The following RASSF4 variants were observed in gnomAD, a reference collection of about 807,000 sequenced individuals.
RASSF4 encodes ras association domain-containing protein 4.
In RASSF4, 38 loss-of-function variants were observed where a neutral mutation model predicts 41.1. The observed-to-expected ratio is 0.92, with a 90% CI of 0.71 to 1.21. The LOEUF (loss-of-function observed/expected upper bound fraction) is 1.21, where lower values mean the gene tolerates loss of function less well. RASSF4 is among the 50% of genes most tolerant of loss of function. RASSF4 has a pLI of 0.00. For synonymous variants in RASSF4, 179 were observed against 163.4 expected (o/e 1.10, Z -0.73); for missense variants, 414 against 419.4 (o/e 0.99, Z 0.11).
At position 44,993,552 on chromosome 10, in the gene RASSF4, A is replaced by G. The variant is rs1347699655; in HGVS notation, c.*223A>G. 1.7e-6 allele frequency: 1 copy of G among 571,944 alleles called. No individual in the cohort carries two copies. The highest frequency in any genetic ancestry group is 3.2e-6 in the Non-Finnish European group (1 of 316,924). The allele number at this position is 571,944 out of a possible 1,614,324, so 35.4% of individuals were successfully genotyped here. On this transcript the variant is annotated 3_prime_UTR_variant, in exon 11 of 11. Coordinates refer to ENST00000340258, the MANE Select transcript of RASSF4 (RefSeq NM_032023.4). Reference sequence around the variant, plus strand: ...CCGACCCAGGCCTGAGGGGCCAGGAACTTGCTGGGTCAGATCTGTGTGGCC... The same window carrying G: ...CCGACCCAGGCCTGAGGGGCCAGGAGCTTGCTGGGTCAGATCTGTGTGGCC...
chr10:44,993,193 CA>C, intron 10 of RASSF4, 75 bp from the exon 11 acceptor site: 1 of 1,276,114 alleles, frequency 7.8e-7, no homozygotes, highest in Non-Finnish European at 1.1e-6. Context: ...TGGCCATCTG[CA>C]GGTCCCTTGC....
chr10:44,973,288 G>A (rs1161048646), intron 3 of RASSF4, among the ~76,000 whole-genome samples: 1 of 152,222 alleles, frequency 6.6e-6, no homozygotes, highest in Admixed American at 6.5e-5. Flanking sequence ...TTAAGCAGCA[G>A]GTGTAGGCCT....
chr10:44,966,409 G>T (rs936324706), intron 1 of RASSF4, among the ~76,000 whole-genome samples: 2 of 152,164 alleles, frequency 1.3e-5, no homozygotes, highest in Admixed American at 1.3e-4. Context: ...GACTAGGAGA[G>T]GTCCCCAAAC....
chr10:44,960,895 AT>A (rs11389811), intron 1 of RASSF4, among the ~76,000 whole-genome samples: 1 of 151,408 alleles, frequency 6.6e-6, no homozygotes, highest in Non-Finnish European at 1.5e-5. Flanking sequence ...GCCAGAAACC[AT>A]TTTTTTTTAA....
At chr10:44,989,859 T>G in intron 8 of RASSF4, 138 bp downstream of exon 8, 1 of 749,586 alleles carries the variant, frequency 1.3e-6, no homozygotes, top group African/African-American at 1.7e-5. Flanking sequence ...TAGGGCACAC[T>G]GTGCCTCCCA....
At chr10:44,992,106 C>T in intron 10 of RASSF4, 104 bp downstream of exon 10, 1 of 710,900 alleles carries the variant, frequency 1.4e-6, no homozygotes, top group Non-Finnish European at 2.4e-6. Context: ...CCATGGGCAC[C>T]AGTACCCTGG....
chr10:44,963,892 GA>G (rs1416026360), intron 1 of RASSF4, among the ~76,000 whole-genome samples: 1 of 152,220 alleles, frequency 6.6e-6, no homozygotes, highest in Non-Finnish European at 1.5e-5. Flanking sequence ...GACACTGTCA[GA>G]AGGAAAAGCA....
Position 44,986,283 on chromosome 10 carries a change from A to T in RASSF4, c.531+1313A>T, listed in dbSNP as rs758592524. 5.8e-4 allele frequency among the ~76,000 whole-genome samples: 89 copies of T among 152,326 alleles called. 2 individuals are homozygous for T. Among genetic ancestry groups the T allele is most frequent in the Admixed American group, 1.3e-3 (20 of 15,304 alleles). ...TTCTCCTCGAAGGGTCTCATTCATC[A>T]CTAAGAGGTGTGTCTGGTACATTAA... is the stretch of plus-strand genomic sequence containing the variant. On this transcript the variant is annotated intron_variant, in intron 6 of 10. Transcript: ENST00000340258.
At chr10:44,964,436 G>A (rs555405566) in intron 1 of RASSF4, among the ~76,000 whole-genome samples, 6 of 152,210 alleles carry the variant, frequency 3.9e-5, no homozygotes, top group African/African-American at 1.2e-4. Flanking sequence ...GCACGGCTTG[G>A]AGGAGGGGAG....
At chr10:44,983,204 T>G (rs1841786684) in intron 4 of RASSF4, 1 of 345,960 alleles carries the variant, frequency 2.9e-6, no homozygotes, top group African/African-American at 2.1e-5. Context: ...ACGCAGTTAG[T>G]AGCTGGGCCT....
intron 3 of RASSF4, among the ~76,000 whole-genome samples, chr10:44,980,552 G>A (rs865965822): frequency 2.0e-5 from 3 of 152,266 alleles, no homozygotes; most frequent in African/African-American, 7.2e-5. Context: ...CCAAGCCCCC[G>A]ACCTTGTCCA....
At chr10:44,980,275 CT>C (rs1841649540) in intron 3 of RASSF4, among the ~76,000 whole-genome samples, 1 of 152,236 alleles carries the variant, frequency 6.6e-6, no homozygotes, top group African/African-American at 2.4e-5. Flanking sequence ...CACTTCTCAC[CT>C]TGCCCAAGCT....
intron 3 of RASSF4, 51 bp from the exon 4 acceptor site, chr10:44,982,470 G>A: frequency 6.2e-7 from 1 of 1,600,762 alleles, no homozygotes; most frequent in South Asian, 1.1e-5. Flanking sequence ...GGGGGCACAG[G>A]GAAGGTAGGC....
At chr10:44,985,707 G>A (rs1010602109) in intron 6 of RASSF4, among the ~76,000 whole-genome samples, 81 of 152,292 alleles carry the variant, frequency 5.3e-4, no homozygotes, top group African/African-American at 1.9e-3. Flanking sequence ...AGGAGCAGGT[G>A]TCCCAGGTTA....
chr10:44,977,894 C>G (rs575748217), intron 3 of RASSF4: 3 of 1,612,388 alleles, frequency 1.9e-6, no homozygotes, highest in East Asian at 4.5e-5. Flanking sequence ...CTGTGCCAGT[C>G]GAGATATAGA....
At chr10:44,985,025 C>T (rs956500047) in intron 6 of RASSF4, 55 bp downstream of exon 6, 25 of 1,567,094 alleles carry the variant, frequency 1.6e-5, no homozygotes, top group Non-Finnish European at 2.1e-5. Flanking sequence ...GGCCTGAGCA[C>T]AGGCACAGCA....
At chr10:44,974,520 A>G (rs1431872946) in intron 3 of RASSF4, among the ~76,000 whole-genome samples, 2 of 152,198 alleles carry the variant, frequency 1.3e-5, no homozygotes, top group East Asian at 3.9e-4. Context: ...GGTCTCAGGG[A>G]CACAGGGTGC....
At chr10:44,971,669 C>T (rs1841174074) in intron 2 of RASSF4, 104 bp from the exon 3 acceptor site, 1 of 892,010 alleles carries the variant, frequency 1.1e-6, no homozygotes, top group Non-Finnish European at 1.9e-6. Context: ...AGGGTGCTGT[C>T]ACACTCCTGT....
rs201581820 is a variant in RASSF4 at position 44,992,009 on chromosome 10, A to G, written c.905+7A>G. The G allele has an allele frequency of 4.4e-6, 7 of 1,574,036 alleles. No individual in the cohort carries two copies. The East Asian group carries it at 1.6e-4, about 35-fold the overall frequency. On this transcript the variant is annotated splice_region_variant and intron_variant, in intron 10 of 10. Coordinates refer to ENST00000340258, the MANE Select transcript of RASSF4 (RefSeq NM_032023.4). Reference sequence around the variant, plus strand: ...TAATCAAACTGACCATGAAGTAAGCAGCACTTAAACAGACAGTCATGGGTC... The same window carrying G: ...TAATCAAACTGACCATGAAGTAAGCGGCACTTAAACAGACAGTCATGGGTC...
Sources: gnomAD v4.1 joint callset for allele counts (sites outside exome capture counted in the v4.1 genomes callset) on GRCh38, gnomAD v4.1.1 for gene constraint, MANE v1.5 for transcripts, NCBI Gene and HGNC (gene_info 2026-07-23, HGNC 2026-07-21) for gene names.